MYO6: variants seen among roughly 807,000 people sequenced by gnomAD.
MYO6 encodes the protein unconventional myosin-VI.
A neutral mutation model predicts 178.7 loss-of-function variants in MYO6; 74 were observed. That is an observed-to-expected ratio of 0.41 (90% CI 0.34 to 0.50). The LOEUF (loss-of-function observed/expected upper bound fraction) is 0.50, where lower values mean the gene tolerates loss of function less well. MYO6 is among the 20% of genes least tolerant of loss of function. The pLI is 0.09. For synonymous variants in MYO6, 477 were observed against 504.6 expected, an observed-to-expected ratio of 0.95 and a Z score of 0.73; for missense variants, 1,330 against 1,547.4, an observed-to-expected ratio of 0.86 and a Z score of 2.36.
intron 19 of MYO6, among the ~76,000 whole-genome samples, chr6:75,871,539 G>A (rs1012025189): frequency 3.3e-5 from 5 of 152,040 alleles, no homozygotes; most frequent in East Asian, 1.9e-4. Flanking sequence ...CGTGAGCCAC[G>A]GCACCTAGTT....
chr6:75,881,596 A>T, intron 22 of MYO6, 93 bp from the exon 23 acceptor site: 1 of 1,282,108 alleles, frequency 7.8e-7, no homozygotes, highest in Non-Finnish European at 1.1e-6. Flanking sequence ...TCAGACAGTT[A>T]GATTTTGGAT....
chr6:75,852,950 A>G (rs756584935), intron 11 of MYO6, among the ~76,000 whole-genome samples: 32 of 152,170 alleles, frequency 2.1e-4, no homozygotes, highest in Non-Finnish European at 4.3e-4. Flanking sequence ...CCACTTTACA[A>G]AGCTATTCCC....
intron 1 of MYO6, 87 bp from the exon 2 acceptor site, chr6:75,817,414 C>T: frequency 1.3e-6 from 1 of 756,404 alleles, no homozygotes; most frequent in East Asian, 2.7e-5. Flanking sequence ...TTGGGACTTA[C>T]ATGTGAACTT....
rs1259848564 is a variant in MYO6, at chr6:75,915,244, TCTAA to T, written c.*236_*239del. ...GTAATTCCCAAAACTCTCATTATTC[TCTAA>T]CTATTACACATGGGCATATTCTGAT... is the stretch of plus-strand genomic sequence containing the variant. On this transcript the variant is annotated 3_prime_UTR_variant, in exon 35 of 35. Transcript: ENST00000369977. 29 of 559,662 alleles carry T rather than the reference TCTAA, an allele frequency of 5.2e-5. No individual in the cohort carries two copies. Among genetic ancestry groups the T allele is most frequent in the African/African-American group, 1.9e-4 (10 of 52,970 alleles). 34.7% of individuals were successfully genotyped at this position (559,662 alleles called of 1,614,324 possible). A position where few individuals can be genotyped will look rare whatever the true frequency, so the allele number is the denominator to read the frequency against.
chr6:75,881,796 G>T lies in MYO6; in HGVS notation c.2394G>T (p.Trp798Cys). ...GCAGTCGCTGGAAGAAAGTTCAGTG[G>T]TGCTCACTCTCAGTCATCAAATGTA... Reference protein sequence around the residue: ...LTCSRWKKVQWCSLSVIKLKN... With the variant: ...LTCSRWKKVQCCSLSVIKLKN... The change falls in exon 23 of 35, where the codon TGG (tryptophan) becomes TGT (cysteine). Residue 798 changes from tryptophan to cysteine, a missense_variant. Trp to Cys is a radical substitution (Grantham distance 215). Transcript: ENST00000369977. 6.2e-7 allele frequency: 1 copy of T among 1,613,794 alleles called. No individual in the cohort carries two copies. Among genetic ancestry groups the T allele is most frequent in the Non-Finnish European group, 8.5e-7 (1 of 1,179,808 alleles).
intron 29 of MYO6, among the ~76,000 whole-genome samples, chr6:75,895,965 T>G (rs778174290): frequency 4.6e-5 from 7 of 152,308 alleles, no homozygotes; most frequent in African/African-American, 1.7e-4. Flanking sequence ...TGAAATTGTA[T>G]ATGTAGTGCT....
rs143398975 is a variant in MYO6 at position 75,838,298 on chromosome 6, C to G, written c.554-2287C>G. ...TCTTGAACTCCTGACCTCAGGTGAT[C>G]TGCCTGCCTCAGCCTCCCAAAGTGT... is the stretch of plus-strand genomic sequence containing the variant. On this transcript the variant is annotated intron_variant, in intron 7 of 34. Coordinates refer to ENST00000369977, the MANE Select transcript of MYO6 (RefSeq NM_004999.4). Among the ~76,000 whole-genome samples, 539 of 152,154 alleles carry G rather than the reference C, an allele frequency of 3.5e-3. 3 individuals carry two copies. Among genetic ancestry groups the G allele is most frequent in the African/African-American group, 0.012 (515 of 41,526 alleles).
intron 1 of MYO6, among the ~76,000 whole-genome samples, chr6:75,808,248 A>G (rs540279872): frequency 6.6e-6 from 1 of 152,204 alleles, no homozygotes; most frequent in African/African-American, 2.4e-5. Flanking sequence ...TGTAACCTGG[A>G]TATCTGACGT....
At chr6:75,749,654 C>T (rs940834651) in intron 1 of MYO6, among the ~76,000 whole-genome samples, 1 of 152,238 alleles carries the variant, frequency 6.6e-6, no homozygotes. Flanking sequence ...CATGGGTTCT[C>T]ATCACCAAGG....
At chr6:75,841,510 G>A (rs1011002853) in intron 9 of MYO6, 132 bp downstream of exon 9, 14 of 798,760 alleles carry the variant, frequency 1.8e-5, no homozygotes, top group South Asian at 1.2e-4. Flanking sequence ...GCAATGTAGC[G>A]AGACCCTGTC....
rs372195012 is a variant in MYO6 at position 75,801,527 on chromosome 6, A to AT, written c.-47-15963dup. Among the ~76,000 whole-genome samples the AT allele has an allele frequency of 7.4e-3, 1,107 of 148,938 alleles. 5 individuals are homozygous for AT. The highest frequency in any genetic ancestry group is 0.046 in the South Asian group (217 of 4,726). On this transcript the variant is annotated intron_variant, in intron 1 of 34. Coordinates refer to ENST00000369977, the MANE Select transcript of MYO6 (RefSeq NM_004999.4). ...ATGTAGAGGTGGTGGTGAGAGCTTA[A>AT]TTTTTTTTTTTATGAGAAAACTTGC... is the stretch of plus-strand genomic sequence containing the variant.
intron 11 of MYO6, among the ~76,000 whole-genome samples, chr6:75,851,543 G>A (rs554622739): frequency 3.3e-5 from 5 of 151,864 alleles, no homozygotes; most frequent in Admixed American, 6.6e-5. Flanking sequence ...TGGTTCTTGC[G>A]TGTTATCCCA....
Position 75,914,840 on chromosome 6 carries a change from T to A in MYO6, c.3686T>A (p.Leu1229Gln). Residue 1229 changes from leucine (L) to glutamine (Q), a missense_variant, in exon 35 of 35, where the codon CTG (leucine) becomes CAG (glutamine). Leu to Gln is a moderately radical substitution (Grantham distance 113, BLOSUM62 -2). Transcript: ENST00000369977. ...AAGGACGACATGGAGATGTGTGAGC[T>A]GAATCTTGAGGAGACTGGCCTGACT... is the stretch of plus-strand genomic sequence containing the variant. ...AGKDDMEMCE[L>Q]NLEETGLTRK... 1.2e-6 allele frequency: 2 copies of A among 1,614,152 alleles called. No homozygotes were observed. The highest frequency in any genetic ancestry group is 4.5e-5 in the East Asian group (2 of 44,880).
At chr6:75,873,351 A>G (rs924574602) in intron 20 of MYO6, 51 bp downstream of exon 20, 2 of 1,290,808 alleles carry the variant, frequency 1.5e-6, no homozygotes. Context: ...GCTCAAATAC[A>G]ATTTAATAGG....
At chr6:75,779,592 T>C (rs1394812681) in intron 1 of MYO6, among the ~76,000 whole-genome samples, 1 of 152,210 alleles carries the variant, frequency 6.6e-6, no homozygotes, top group Non-Finnish European at 1.5e-5. Context: ...TTGTCTTTCA[T>C]TTTTGATACT....
intron 7 of MYO6, among the ~76,000 whole-genome samples, chr6:75,836,420 G>GTACC (rs1773650128): frequency 6.6e-6 from 1 of 152,048 alleles, no homozygotes; most frequent in South Asian, 2.1e-4. Context: ...AAGTCTTCTT[G>GTACC]TACCTCAGTT....
chr6:75,899,960 C>T (rs1201936351), intron 30 of MYO6, among the ~76,000 whole-genome samples: 4 of 144,380 alleles, frequency 2.8e-5, no homozygotes, highest in Non-Finnish European at 6.0e-5. Context: ...TGTTCAGTTC[C>T]CACCTATGAG....
At chr6:75,892,476 G>T in intron 27 of MYO6, 54 bp from the exon 28 acceptor site, 1 of 1,610,800 alleles carries the variant, frequency 6.2e-7, no homozygotes, top group African/African-American at 1.3e-5. Context: ...TAAGGGGAGT[G>T]ATCAAGTAAA....
At chr6:75,907,439 C>T (rs1395899774) in intron 30 of MYO6, among the ~76,000 whole-genome samples, 166 bp from the exon 31 acceptor site, 2 of 152,032 alleles carry the variant, frequency 1.3e-5, no homozygotes, top group African/African-American at 2.4e-5. Flanking sequence ...TTTATTTGGC[C>T]ATCTTTTAGT....
Sources: allele counts gnomAD v4.1 joint callset (sites outside exome capture counted in the v4.1 genomes callset), GRCh38; gene constraint gnomAD v4.1.1; transcripts MANE v1.5; gene names NCBI Gene and HGNC (gene_info 2026-07-23, HGNC 2026-07-21).